The following SMAD2 variants were observed in gnomAD, a reference collection of about 807,000 sequenced individuals.
The protein encoded by SMAD2 is SMAD family member 2.
SMAD2 carries 8 observed loss-of-function variants against 64.4 expected under a neutral mutation model. The observed-to-expected ratio is 0.12, with a 90% CI of 0.07 to 0.22. The LOEUF is 0.22. Among genes scored for constraint, SMAD2 ranks in the 10% least tolerant of loss-of-function variants. The pLI, the probability that SMAD2 is intolerant of heterozygous loss-of-function variation, is 1.00. For missense variants in SMAD2, 289 were observed against 561.2 expected (o/e 0.51, Z 4.90); for synonymous variants, 203 against 195.8 (o/e 1.04, Z -0.31).
rs2144291176 is a variant in SMAD2 at position 47,845,804 on chromosome 18, A to G, written c.998-4T>C. ...TAGTATAAGCGCACTCCTCTTCCTG[A>G]AACAAAATACAAATGAGATTAGTTT... On this transcript the variant is annotated splice_region_variant and splice_polypyrimidine_tract_variant and intron_variant, in intron 8 of 10. Transcript: ENST00000262160. 6.2e-7 allele frequency: 1 copy of G among 1,613,306 alleles called. No homozygotes were observed. Among genetic ancestry groups the G allele is most frequent in the East Asian group, 2.2e-5 (1 of 44,870 alleles).
chr18:47,884,511 T>G (rs1479738143), intron 2 of SMAD2, among the ~76,000 whole-genome samples: 1 of 152,154 alleles, frequency 6.6e-6, no homozygotes, highest in East Asian at 1.9e-4. Flanking sequence ...AAATCAAAGC[T>G]AAAACAATAA....
chr18:47,870,431 C>CA, intron 3 of SMAD2, 44 bp downstream of exon 3: 1 of 1,416,588 alleles, frequency 7.1e-7, no homozygotes, highest in South Asian at 1.1e-5. Context: ...ATATACCCCC[C>CA]TCCCACAAGA....
In SMAD2 at chr18:47,841,607, T is replaced by C. The variant is rs1913960337; in HGVS notation, c.*220A>G. ...ACATCATTAAGTCTTTAAAATCTTCTCTTCCTCTTTAATGGGAGAGTATTT... is the reference window on the plus strand; with the variant it reads ...ACATCATTAAGTCTTTAAAATCTTCCCTTCCTCTTTAATGGGAGAGTATTT... On this transcript the variant is annotated 3_prime_UTR_variant, in exon 11 of 11. Transcript: ENST00000262160. 2 of 576,760 alleles carry C rather than the reference T, an allele frequency of 3.5e-6. No homozygotes were observed. Among genetic ancestry groups the C allele is most frequent in the African/African-American group, 3.7e-5 (2 of 53,502 alleles). The allele number at this position is 576,760 out of a possible 1,614,324, so 35.7% of individuals were successfully genotyped here.
intron 6 of SMAD2, among the ~76,000 whole-genome samples, chr18:47,856,854 A>ATTTTTTTTT (rs758202544): frequency 8.1e-6 from 1 of 123,282 alleles, no homozygotes; most frequent in Non-Finnish European, 1.7e-5. Context: ...AACTATGCTA[A>ATTTTTTTTT]TTTTTTTTTT....
rs1283761440 is a variant in SMAD2 at position 47,830,480 on chromosome 18, G to C, written c.*11347C>G. 1 of 151,590 alleles carries C rather than the reference G, an allele frequency of 6.6e-6. No homozygotes were observed. The highest frequency in any genetic ancestry group is 1.5e-5 in the Non-Finnish European group (1 of 67,974). 9.4% of individuals were successfully genotyped at this position (151,590 alleles called of 1,614,324 possible). On this transcript the variant is annotated 3_prime_UTR_variant, in exon 11 of 11. Coordinates refer to ENST00000262160, the MANE Select transcript of SMAD2 (RefSeq NM_005901.6). ...TAATCCCAGCTACTCAGGAGGCTAA[G>C]GCAGGAGAATCACTTGAACCCAGGA...
At position 47,827,536 on chromosome 18, in the gene SMAD2, G is replaced by A. The variant is rs1912798695; in HGVS notation, c.*14291C>T. ...CCGTCTCCCTCTGATGCCGAGCCAA[G>A]GCTGGACTGTACTGCCGCCATCTCG... On this transcript the variant is annotated 3_prime_UTR_variant, in exon 11 of 11. Transcript: ENST00000262160. 6.6e-6 allele frequency: 1 copy of A among 152,542 alleles called. No individual in the cohort carries two copies. The allele number at this position is 152,542 out of a possible 1,614,324, so 9.4% of individuals were successfully genotyped here. A position where few individuals can be genotyped will look rare whatever the true frequency, so the allele number is the denominator to read the frequency against.
chr18:47,898,946 C>T (rs967029731), intron 1 of SMAD2, among the ~76,000 whole-genome samples: 5 of 151,350 alleles, frequency 3.3e-5, no homozygotes, highest in Non-Finnish European at 5.9e-5. Context: ...CAAATCCAGT[C>T]TGTGTTATTC....
chr18:47,863,557 T>A (rs2031344224), intron 6 of SMAD2, among the ~76,000 whole-genome samples: 1 of 152,202 alleles, frequency 6.6e-6, no homozygotes. Context: ...TGCAGCCTTT[T>A]TTTTCTGGCT....
At chr18:47,905,673 CA>C (rs1331374482) in intron 1 of SMAD2, among the ~76,000 whole-genome samples, 1 of 152,174 alleles carries the variant, frequency 6.6e-6, no homozygotes, top group Non-Finnish European at 1.5e-5. Flanking sequence ...ATCTAGTTTT[CA>C]ACAACTTTTC....
chr18:47,891,103 G>A (rs1264872994), intron 2 of SMAD2, among the ~76,000 whole-genome samples: 1 of 152,108 alleles, frequency 6.6e-6, no homozygotes, highest in Non-Finnish European at 1.5e-5. Context: ...TCAGGAGTTC[G>A]AAACCAGCCT....
chr18:47,930,126 A>C (rs1482869467), intron 1 of SMAD2: 1 of 152,278 alleles, frequency 6.6e-6, no homozygotes, highest in African/African-American at 2.4e-5. Flanking sequence ...AGGGGAAGGG[A>C]CGCAGGCAGC....
At chr18:47,923,971 G>A (rs1015782588) in intron 1 of SMAD2, among the ~76,000 whole-genome samples, 3 of 152,110 alleles carry the variant, frequency 2.0e-5, no homozygotes, top group South Asian at 2.1e-4. Flanking sequence ...ATTTTAGGCC[G>A]GGCGCAGTGG....
At chr18:47,900,045 TA>T (rs1244438471) in intron 1 of SMAD2, among the ~76,000 whole-genome samples, 1 of 152,104 alleles carries the variant, frequency 6.6e-6, no homozygotes, top group Non-Finnish European at 1.5e-5. Context: ...AGGATAACAG[TA>T]CCTATCTTAA....
chr18:47,928,039 G>A (rs1402528158), intron 1 of SMAD2, among the ~76,000 whole-genome samples: 1 of 152,084 alleles, frequency 6.6e-6, no homozygotes, highest in Non-Finnish European at 1.5e-5. Context: ...CAGAAACTAA[G>A]GGCCTAAAAA....
At chr18:47,885,868 G>C (rs771800507) in intron 2 of SMAD2, among the ~76,000 whole-genome samples, 2 of 152,168 alleles carry the variant, frequency 1.3e-5, no homozygotes, top group Non-Finnish European at 2.9e-5. Context: ...AGGCTGAGGT[G>C]GGAGGATCAC....
intron 2 of SMAD2, chr18:47,887,050 A>G (rs1391728673): frequency 1.3e-5 from 2 of 152,212 alleles, no homozygotes; most frequent in Admixed American, 6.6e-5. Context: ...GGAATTCTCA[A>G]TTTTCAAAAA....
intron 1 of SMAD2, among the ~76,000 whole-genome samples, chr18:47,903,110 T>C (rs954047539): frequency 6.6e-6 from 1 of 151,338 alleles, no homozygotes; most frequent in Non-Finnish European, 1.5e-5. Context: ...CAATGGGGGA[T>C]GGGGGGAGGG....
Position 47,899,935 on chromosome 18 carries a change from A to G in SMAD2, c.-53-3126T>C, listed in dbSNP as rs536373873. Among the ~76,000 whole-genome samples the G allele has an allele frequency of 3.3e-5, 5 of 152,290 alleles. No homozygotes were observed. In the South Asian group the frequency reaches 1.0e-3, roughly 32 times the overall value. On this transcript the variant is annotated intron_variant, in intron 1 of 10. Coordinates refer to ENST00000262160, the MANE Select transcript of SMAD2 (RefSeq NM_005901.6). ...CATAAACAGTGTAATGCTTCAGAGA[A>G]CAGATTCTGAAGCCAATTGGCCAGG...
chr18:47,919,467 A>ATACAC, intron 1 of SMAD2, among the ~76,000 whole-genome samples: 1 of 87,116 alleles, frequency 1.1e-5, no homozygotes, highest in African/African-American at 4.9e-5. Flanking sequence ...CAAAAAAAAA[A>ATACAC]ATACACACAC....
Sources: allele counts gnomAD v4.1 joint callset (sites outside exome capture counted in the v4.1 genomes callset), GRCh38; gene constraint gnomAD v4.1.1; transcripts MANE v1.5; gene names NCBI Gene and HGNC (gene_info 2026-07-23, HGNC 2026-07-21).